NR6A1: variants seen among roughly 807,000 people sequenced by gnomAD.
NR6A1 encodes the protein retinoic acid receptor-related testis-associated receptor.
In NR6A1, 7 loss-of-function variants were observed where a neutral mutation model predicts 59.1. The observed-to-expected ratio is 0.12, with a 90% CI of 0.07 to 0.22. NR6A1 has a LOEUF of 0.22. Ranked by LOEUF, NR6A1 falls within the 10% of genes least tolerant of loss-of-function variation. The pLI is 1.00. For synonymous variants in NR6A1, 243 were observed against 236.1 expected, an observed-to-expected ratio of 1.03 and a Z score of -0.27; for missense variants, 468 against 611.6, an observed-to-expected ratio of 0.77 and a Z score of 2.48.
chr9:124,566,295 G>A (rs1834238643), intron 2 of NR6A1, among the ~76,000 whole-genome samples: 1 of 152,208 alleles, frequency 6.6e-6, no homozygotes, highest in African/African-American at 2.4e-5. Flanking sequence ...TCTGGATCCT[G>A]GCAGTGTTCT....
At chr9:124,645,012 C>T (rs372400986) in intron 2 of NR6A1, among the ~76,000 whole-genome samples, 2 of 152,284 alleles carry the variant, frequency 1.3e-5, no homozygotes, top group South Asian at 2.1e-4. Flanking sequence ...ACACATTGAA[C>T]GTACAACATC....
intron 2 of NR6A1, among the ~76,000 whole-genome samples, chr9:124,669,843 C>G (rs1262897832): frequency 6.6e-6 from 1 of 152,140 alleles, no homozygotes; most frequent in Non-Finnish European, 1.5e-5. Context: ...GTGATCCACC[C>G]ACCTTGGCCT....
At chr9:124,770,751 GA>G (rs1280193765) in intron 1 of NR6A1, among the ~76,000 whole-genome samples, 1 of 128,788 alleles carries the variant, frequency 7.8e-6, no homozygotes, top group Non-Finnish European at 1.7e-5. Context: ...GGGGGAGGGG[GA>G]AATGAAGCTC....
chr9:124,769,638 T>C lies in NR6A1; in HGVS notation c.100+1382A>G, dbSNP rs115260281. Reference sequence around the variant, plus strand: ...TTACTTGTTAGACACTGTTCGGTCCTAGATCTCTCAGAGAACTGCGAGTTT... The same window carrying C: ...TTACTTGTTAGACACTGTTCGGTCCCAGATCTCTCAGAGAACTGCGAGTTT... On this transcript the variant is annotated intron_variant, in intron 1 of 9. Coordinates refer to ENST00000487099, the MANE Select transcript of NR6A1 (RefSeq NM_033334.4). Among the ~76,000 whole-genome samples, 733 of 152,364 alleles carry C rather than the reference T, an allele frequency of 4.8e-3. 6 individuals carry two copies. Among genetic ancestry groups the C allele is most frequent in the African/African-American group, 0.017 (687 of 41,584 alleles).
intron 2 of NR6A1, among the ~76,000 whole-genome samples, chr9:124,680,090 ATGTGTGTGTGTGTG>A (rs57251719): frequency 2.8e-5 from 4 of 143,240 alleles, no homozygotes; most frequent in African/African-American, 5.1e-5. Context: ...GTGTGTATGT[ATGTGTGTGTGTGTG>A]TGTGTGTGTG....
At chr9:124,540,252 A>G in intron 4 of NR6A1, 65 bp from the exon 5 acceptor site, 1 of 1,506,306 alleles carries the variant, frequency 6.6e-7, no homozygotes, top group Non-Finnish European at 9.0e-7. Flanking sequence ...TTCAGGACTG[A>G]GAGCTTATTT....
At chr9:124,535,181 GTC>G (rs1260789445) in intron 7 of NR6A1, among the ~76,000 whole-genome samples, 1 of 152,050 alleles carries the variant, frequency 6.6e-6, no homozygotes, top group African/African-American at 2.4e-5. Flanking sequence ...TGACCCCTAG[GTC>G]TCTTTCTTGG....
At chr9:124,766,766 A>C (rs564728808) in intron 1 of NR6A1, among the ~76,000 whole-genome samples, 6 of 152,376 alleles carry the variant, frequency 3.9e-5, no homozygotes, top group African/African-American at 1.4e-4. Context: ...ATTTGCTGAC[A>C]ATGAAGTCTC....
intron 2 of NR6A1, among the ~76,000 whole-genome samples, chr9:124,651,204 G>C (rs968131656): frequency 6.6e-6 from 1 of 152,068 alleles, no homozygotes; most frequent in African/African-American, 2.4e-5. Context: ...CTACAAGTGT[G>C]TGCCACTATG....
rs192438411 is a variant in NR6A1, at chr9:124,582,332, G to A, written c.143-27762C>T. ...ACATGCGAACAGAAAACCAAATACC[G>A]CATGTTCCCACTTATAAGGAGGAGC... is the stretch of plus-strand genomic sequence containing the variant. On this transcript the variant is annotated intron_variant, in intron 2 of 9. Transcript: ENST00000487099. Among the ~76,000 whole-genome samples the A allele has an allele frequency of 3.5e-4, 53 of 152,208 alleles. No individual in the cohort carries two copies. In the East Asian group the frequency reaches 9.7e-3, roughly 28 times the overall value.
intron 2 of NR6A1, among the ~76,000 whole-genome samples, chr9:124,558,828 ACCAACCAACCAC>A (rs1339174286): frequency 1.3e-5 from 2 of 151,946 alleles, no homozygotes; most frequent in Non-Finnish European, 2.9e-5. Context: ...CTGAAAACCA[ACCAACCAACCAC>A]CCAACCAACC....
At chr9:124,531,840 G>A (rs1458725229) in intron 7 of NR6A1, among the ~76,000 whole-genome samples, 1 of 152,104 alleles carries the variant, frequency 6.6e-6, no homozygotes, top group Non-Finnish European at 1.5e-5. Context: ...GACATCTCTT[G>A]GCTTTGTGCT....
chr9:124,631,986 A>G (rs375604797), intron 2 of NR6A1, among the ~76,000 whole-genome samples: 3 of 152,288 alleles, frequency 2.0e-5, no homozygotes, highest in East Asian at 3.9e-4. Flanking sequence ...TGTCCCTGCA[A>G]AAGACATGAT....
At chr9:124,609,026 T>C (rs1023067516) in intron 2 of NR6A1, among the ~76,000 whole-genome samples, 6 of 152,230 alleles carry the variant, frequency 3.9e-5, no homozygotes, top group Non-Finnish European at 8.8e-5. Flanking sequence ...TCCTTGTAGA[T>C]TCTGGATATT....
chr9:124,530,021 T>C (rs1833054029), intron 7 of NR6A1, among the ~76,000 whole-genome samples: 1 of 152,176 alleles, frequency 6.6e-6, no homozygotes, highest in East Asian at 1.9e-4. Context: ...TGCTCTGTCC[T>C]TTAATCAGCA....
At chr9:124,710,338 T>C (rs534386010) in intron 2 of NR6A1, among the ~76,000 whole-genome samples, 2 of 152,346 alleles carry the variant, frequency 1.3e-5, no homozygotes, top group African/African-American at 4.8e-5. Context: ...TGACCACATG[T>C]AGTAATCCTA....
chr9:124,572,611 TGGA>T (rs945729156), intron 2 of NR6A1, among the ~76,000 whole-genome samples: 1 of 152,186 alleles, frequency 6.6e-6, no homozygotes, highest in South Asian at 2.1e-4. Flanking sequence ...CTTAGCTTAG[TGGA>T]GGAGATCTGT....
At chr9:124,532,902 G>A (rs1020031565) in intron 7 of NR6A1, among the ~76,000 whole-genome samples, 1 of 152,156 alleles carries the variant, frequency 6.6e-6, no homozygotes, top group Non-Finnish European at 1.5e-5. Flanking sequence ...TGTAGTGGAC[G>A]GTACAGCTTT....
chr9:124,554,306 C>A (rs769007888), intron 3 of NR6A1, 22 bp downstream of exon 3: 1 of 1,613,970 alleles, frequency 6.2e-7, no homozygotes, highest in Non-Finnish European at 8.5e-7. Flanking sequence ...GATGGGCCAT[C>A]AGAGCCATCA....
Sources: allele counts gnomAD v4.1 joint callset (sites outside exome capture counted in the v4.1 genomes callset), GRCh38; gene constraint gnomAD v4.1.1; transcripts MANE v1.5; gene names NCBI Gene and HGNC (gene_info 2026-07-23, HGNC 2026-07-21).